The following KDM4A variants were observed in gnomAD, a reference collection of about 807,000 sequenced individuals.
KDM4A encodes lysine demethylase 4A, also known as lysine-specific demethylase 4A.
A neutral mutation model predicts 127.1 loss-of-function variants in KDM4A; 23 were observed. The ratio of observed to expected loss-of-function variants is 0.18; its 90% CI spans 0.13 to 0.26. KDM4A has a LOEUF of 0.26. Among genes scored for constraint, KDM4A ranks in the 10% least tolerant of loss-of-function variants. The pLI, the probability that KDM4A is intolerant of heterozygous loss-of-function variation, is 1.00. For missense variants in KDM4A, 890 were observed against 1,329.1 expected (o/e 0.67, Z 5.14); for synonymous variants, 443 against 466.5 (o/e 0.95, Z 0.65).
Position 43,662,953 on chromosome 1 carries a change from G to A in KDM4A, c.489G>A (p.Glu163=). 1 of 1,614,174 alleles carries A rather than the reference G, an allele frequency of 6.2e-7. No individual in the cohort carries two copies. The highest frequency in any genetic ancestry group is 8.5e-7 in the Non-Finnish European group (1 of 1,180,024). Residue 163 remains glutamate (E), a synonymous_variant, in exon 5 of 22, where the codon GAG becomes GAA. Coordinates refer to ENST00000372396, the MANE Select transcript of KDM4A (RefSeq NM_014663.3). Reference sequence around the variant, plus strand: ...CAATCCTGGACTTGGTGGAAAAGGAGAGTGGGATCACCATTGAGGGTGTGA... The same window carrying A: ...CAATCCTGGACTTGGTGGAAAAGGAAAGTGGGATCACCATTGAGGGTGTGA... ...LRTILDLVEK[E]SGITIEGVNT... is the part of the protein sequence containing the mutation.
chr1:43,655,587 T>C lies in KDM4A; in HGVS notation c.139-4T>C. 1 of 1,605,142 alleles carries C rather than the reference T, an allele frequency of 6.2e-7. No individual in the cohort carries two copies. The highest frequency in any genetic ancestry group is 8.5e-7 in the Non-Finnish European group (1 of 1,176,016). On this transcript the variant is annotated splice_polypyrimidine_tract_variant and splice_region_variant and intron_variant, in intron 2 of 21. Coordinates refer to ENST00000372396, the MANE Select transcript of KDM4A (RefSeq NM_014663.3). ...TGTCTTTTTGTTTCTTGTGTTCCCT[T>C]CAGGTTGTTCCTCCAAAAGAGTGGA...
intron 11 of KDM4A, among the ~76,000 whole-genome samples, chr1:43,676,022 A>G (rs1660732745): frequency 6.7e-6 from 1 of 150,066 alleles, no homozygotes; most frequent in Non-Finnish European, 1.5e-5. Flanking sequence ...CGGAGGTTGC[A>G]GTGAGCTGAG....
intron 3 of KDM4A, among the ~76,000 whole-genome samples, chr1:43,657,305 C>T (rs906489103): frequency 6.6e-6 from 1 of 151,880 alleles, no homozygotes; most frequent in African/African-American, 2.4e-5. Context: ...TGGGTTCAAG[C>T]AATTCTCCTG....
intron 2 of KDM4A, among the ~76,000 whole-genome samples, chr1:43,655,146 G>A (rs138740749): frequency 9.1e-4 from 139 of 152,218 alleles, no homozygotes; most frequent in African/African-American, 3.1e-3. Flanking sequence ...CACTGTGCCC[G>A]GCCTCAAGAT....
At chr1:43,667,304 A>G (rs1660520442) in intron 8 of KDM4A, among the ~76,000 whole-genome samples, 2 of 152,222 alleles carry the variant, frequency 1.3e-5, no homozygotes, top group Non-Finnish European at 2.9e-5. Context: ...TCTTAAGTCC[A>G]TTAGGCATTA....
At chr1:43,669,015 T>A (rs2154047239) in intron 9 of KDM4A, 85 bp from the exon 10 acceptor site, 1 of 1,403,182 alleles carries the variant, frequency 7.1e-7, no homozygotes, top group East Asian at 2.3e-5. Flanking sequence ...CCATTCACTT[T>A]GGGTTGTGTG....
chr1:43,665,775 G>C (rs772635487), intron 6 of KDM4A, 30 bp downstream of exon 6: 1 of 1,611,898 alleles, frequency 6.2e-7, no homozygotes, highest in Non-Finnish European at 8.5e-7. Flanking sequence ...TGCTGGATTG[G>C]ACCCTCCTAT....
At chr1:43,678,856 G>C (rs1178825933) in intron 11 of KDM4A, among the ~76,000 whole-genome samples, 1 of 152,110 alleles carries the variant, frequency 6.6e-6, no homozygotes, top group Non-Finnish European at 1.5e-5. Context: ...CAAAGTGCTG[G>C]GATATAGGCA....
intron 11 of KDM4A, among the ~76,000 whole-genome samples, chr1:43,679,441 CA>C (rs1171527823): frequency 6.6e-6 from 1 of 152,142 alleles, no homozygotes; most frequent in Non-Finnish European, 1.5e-5. Flanking sequence ...CAACTTTGTC[CA>C]TCCCTGGAGA....
chr1:43,657,148 A>G lies in KDM4A; in HGVS notation c.314+1382A>G, dbSNP rs111946237. 2.6e-3 allele frequency among the ~76,000 whole-genome samples: 391 copies of G among 152,056 alleles called. 4 individuals carry two copies. The highest frequency in any genetic ancestry group is 8.6e-3 in the African/African-American group (357 of 41,478). ...AGCGATCCTCCTGCCTCAGCCTCCC[A>G]AAGTGCTGGGATTATAGGCATGAGC... On this transcript the variant is annotated intron_variant, in intron 3 of 21. Coordinates refer to ENST00000372396, the MANE Select transcript of KDM4A (RefSeq NM_014663.3).
intron 2 of KDM4A, among the ~76,000 whole-genome samples, chr1:43,655,314 A>G (rs570911330): frequency 3.5e-4 from 53 of 152,310 alleles, no homozygotes; most frequent in Non-Finnish European, 6.9e-4. Context: ...AGAGAGAATC[A>G]AGTCTTTAAT....
chr1:43,691,654 T>TAA, intron 15 of KDM4A, 82 bp downstream of exon 15: 1 of 1,210,716 alleles, frequency 8.3e-7, no homozygotes, highest in Non-Finnish European at 1.2e-6. Context: ...TTGGACTCAG[T>TAA]ATTCCCAGCA....
rs1482949665 is a variant in KDM4A at position 43,667,984 on chromosome 1, G to C, written c.1128G>C (p.Gly376=). The C allele has an allele frequency of 6.2e-7, 1 of 1,614,136 alleles. No homozygotes were observed. The change falls in exon 9 of 22, where the codon GGG becomes GGC. Residue 376 remains glycine (G), a synonymous_variant. Transcript: ENST00000372396. ...EEECPEEDME[G]VEDGEEGDLK... ...AGTGCCCAGAGGAGGACATGGAAGG[G>C]GTGGAGGATGGAGAGGAAGGAGACC...
intron 5 of KDM4A, among the ~76,000 whole-genome samples, chr1:43,663,436 G>C (rs1251049198): frequency 6.6e-6 from 1 of 152,108 alleles, no homozygotes; most frequent in Non-Finnish European, 1.5e-5. Flanking sequence ...TCTCTCAGAT[G>C]ACAGAAAGCT....
At chr1:43,703,085 G>A (rs1661444754) in intron 19 of KDM4A, among the ~76,000 whole-genome samples, 1 of 151,960 alleles carries the variant, frequency 6.6e-6, no homozygotes, top group Non-Finnish European at 1.5e-5. Flanking sequence ...TGGGACTACA[G>A]GCGCCTGCCA....
intron 3 of KDM4A, among the ~76,000 whole-genome samples, chr1:43,657,849 C>G (rs1343823289): frequency 7.0e-6 from 1 of 142,510 alleles, no homozygotes; most frequent in African/African-American, 2.6e-5. Context: ...CTCCCAGGTT[C>G]AAGTGATTTT....
intron 11 of KDM4A, among the ~76,000 whole-genome samples, chr1:43,680,406 T>C (rs551541095): frequency 3.4e-4 from 52 of 152,354 alleles, no homozygotes; most frequent in African/African-American, 1.3e-3. Context: ...CTGGTGTTCT[T>C]GACCTTCACC....
At position 43,694,531 on chromosome 1, in the gene KDM4A, A is replaced by G. The variant is rs1418121446; in HGVS notation, c.2485-178A>G. On this transcript the variant is annotated intron_variant, in intron 17 of 21. Transcript: ENST00000372396. The surrounding 1 kb of genome is among the most constrained non-coding windows in gnomAD (Gnocchi z 5.2). ...ACTCCGTCTCAAAAAAAAAAAAAAA[A>G]AAATTTCCTTGGCAGATAAAGTTGT... is the stretch of plus-strand genomic sequence containing the variant. Among the ~76,000 whole-genome samples, 1 of 152,026 alleles carries G rather than the reference A, an allele frequency of 6.6e-6. No individual in the cohort carries two copies. The highest frequency in any genetic ancestry group is 2.4e-5 in the African/African-American group (1 of 41,374).
Position 43,660,470 on chromosome 1 carries a change from T to C in KDM4A, c.429+58T>C, listed in dbSNP as rs899114687. ...TTTTGTAATTTTGTAATACCTTTTT[T>C]TCGGCCCGGCACGTAGTAGGCACCT... On this transcript the variant is annotated intron_variant, in intron 4 of 21. Coordinates refer to ENST00000372396, the MANE Select transcript of KDM4A (RefSeq NM_014663.3). 84 of 1,541,922 alleles carry C rather than the reference T, an allele frequency of 5.4e-5. 1 individual carries two copies. The South Asian group carries it at 8.0e-4, about 15-fold the overall frequency.
Sources: allele counts gnomAD v4.1 joint callset (sites outside exome capture counted in the v4.1 genomes callset), GRCh38; gene constraint gnomAD v4.1.1; non-coding constraint Gnocchi (gnomAD v3.1); transcripts MANE v1.5; gene names NCBI Gene and HGNC (gene_info 2026-07-23, HGNC 2026-07-21).